The following CHRM2 variants were observed in gnomAD, a reference collection of about 807,000 sequenced individuals.
The protein encoded by CHRM2 is cholinergic receptor muscarinic 2, also known as muscarinic acetylcholine receptor M2.
A neutral mutation model predicts 25.0 loss-of-function variants in CHRM2; 8 were observed. The observed-to-expected ratio is 0.32, with a 90% CI of 0.19 to 0.58. The LOEUF is 0.58. CHRM2 is among the 20% of genes least tolerant of loss of function. CHRM2 has a pLI of 0.88. For synonymous variants in CHRM2, 202 were observed against 205.7 expected, an observed-to-expected ratio of 0.98 and a Z score of 0.15; for missense variants, 440 against 567.1, an observed-to-expected ratio of 0.78 and a Z score of 2.28.
intron 2 of CHRM2, among the ~76,000 whole-genome samples, chr7:136,970,554 T>G (rs1014475191): frequency 2.0e-5 from 3 of 152,200 alleles, no homozygotes; most frequent in African/African-American, 7.2e-5. Flanking sequence ...TTTCTGAATG[T>G]AGGGACCATG....
At chr7:136,978,223 A>T (rs1299924364) in intron 2 of CHRM2, among the ~76,000 whole-genome samples, 1 of 152,108 alleles carries the variant, frequency 6.6e-6, no homozygotes, top group Non-Finnish European at 1.5e-5. Context: ...CTAAAATCAA[A>T]CTTACAATTA....
chr7:136,878,880 A>T (rs1014006717), intron 2 of CHRM2, among the ~76,000 whole-genome samples: 1 of 151,844 alleles, frequency 6.6e-6, no homozygotes, highest in African/African-American at 2.4e-5. Flanking sequence ...CTTTCAGAGG[A>T]TGTCTCACTA....
chr7:136,904,681 ACTT>A (rs1396995724), intron 2 of CHRM2, among the ~76,000 whole-genome samples: 109 of 151,824 alleles, frequency 7.2e-4, no homozygotes, highest in African/African-American at 2.4e-3. Flanking sequence ...AAATTTTGAT[ACTT>A]CTTCTTTAAT....
intron 3 of CHRM2, among the ~76,000 whole-genome samples, chr7:137,000,591 G>GGAAGGAAGGAAGGAA (rs917139955): frequency 1.3e-5 from 2 of 148,966 alleles, no homozygotes; most frequent in Non-Finnish European, 3.0e-5. Context: ...AAGGAAGGAA[G>GGAAGGAAGGAAGGAA]GGAAAAAAAG....
chr7:136,883,032 T>G (rs549810927), intron 2 of CHRM2, among the ~76,000 whole-genome samples: 215 of 152,302 alleles, frequency 1.4e-3, no homozygotes, highest in Non-Finnish European at 2.6e-3. Flanking sequence ...CTGGATAATT[T>G]GCCATGCAAT....
chr7:136,897,712 G>A (rs947151556), intron 2 of CHRM2, among the ~76,000 whole-genome samples: 13 of 151,242 alleles, frequency 8.6e-5, no homozygotes, highest in African/African-American at 3.1e-4. Context: ...AAAAAAGACA[G>A]ACATGGATTT....
At chr7:136,961,263 T>G (rs539668476) in intron 2 of CHRM2, among the ~76,000 whole-genome samples, 1 of 152,268 alleles carries the variant, frequency 6.6e-6, no homozygotes, top group Non-Finnish European at 1.5e-5. Flanking sequence ...TATCAAATAT[T>G]TCTGTTTTAG....
intron 3 of CHRM2, among the ~76,000 whole-genome samples, chr7:137,002,789 C>T (rs926749034): frequency 1.6e-4 from 25 of 152,000 alleles, no homozygotes; most frequent in Admixed American, 5.2e-4. Context: ...AGAGTACATG[C>T]TTTGTTTCTG....
At chr7:136,884,299 G>A (rs1381229718) in intron 2 of CHRM2, among the ~76,000 whole-genome samples, 2 of 151,998 alleles carry the variant, frequency 1.3e-5, no homozygotes, top group Non-Finnish European at 2.9e-5. Context: ...TGCCAAATTT[G>A]CAAAAATTGT....
chr7:136,980,503 G>A (rs1316461225), intron 2 of CHRM2, among the ~76,000 whole-genome samples: 1 of 152,144 alleles, frequency 6.6e-6, no homozygotes, highest in African/African-American at 2.4e-5. Context: ...GGTGAGAGAG[G>A]GCATCCTTGT....
At chr7:137,012,187 C>A (rs1019082949) in intron 3 of CHRM2, among the ~76,000 whole-genome samples, 7 of 151,978 alleles carry the variant, frequency 4.6e-5, no homozygotes, top group Admixed American at 4.6e-4. Flanking sequence ...TAGCTCAACT[C>A]CAAACTGTCC....
chr7:136,906,316 C>T (rs980453615), intron 2 of CHRM2, among the ~76,000 whole-genome samples: 19 of 150,184 alleles, frequency 1.3e-4, no homozygotes, highest in Non-Finnish European at 2.4e-4. Context: ...TGTATGTGTG[C>T]GCACACATAT....
At chr7:136,881,199 A>G (rs1326348096) in intron 2 of CHRM2, among the ~76,000 whole-genome samples, 4 of 150,372 alleles carry the variant, frequency 2.7e-5, no homozygotes, top group Non-Finnish European at 5.9e-5. Flanking sequence ...GCCTTTACGG[A>G]CTGTCATGTA....
At chr7:136,871,740 A>G (rs1486985017) in intron 2 of CHRM2, 1 of 152,196 alleles carries the variant, frequency 6.6e-6, no homozygotes, top group Non-Finnish European at 1.5e-5. Flanking sequence ...TGACTTGGCC[A>G]AGAGACAATT....
chr7:136,955,506 G>A (rs566796268), intron 2 of CHRM2, among the ~76,000 whole-genome samples: 117 of 152,202 alleles, frequency 7.7e-4, no homozygotes, highest in African/African-American at 2.4e-3. Context: ...CCTATTATTC[G>A]TCAAATTCCA....
Position 136,979,193 on chromosome 7 carries a change from A to G in CHRM2, c.-124-12994A>G, listed in dbSNP as rs141543276. Reference sequence around the variant, plus strand: ...TTGTGGTTTTGATTTGCATTTCTCTAATGACATGTGATGATGAGCTGTTTT... The same window carrying G: ...TTGTGGTTTTGATTTGCATTTCTCTGATGACATGTGATGATGAGCTGTTTT... On this transcript the variant is annotated intron_variant, in intron 2 of 3. Coordinates refer to ENST00000680005, the MANE Select transcript of CHRM2 (RefSeq NM_001006630.2). Among the ~76,000 whole-genome samples the G allele has an allele frequency of 1.9e-3, 287 of 152,242 alleles. 1 individual carries two copies. The highest frequency in any genetic ancestry group is 6.8e-3 in the African/African-American group (281 of 41,558).
chr7:136,893,188 T>A (rs906650306), intron 2 of CHRM2, among the ~76,000 whole-genome samples: 19 of 152,268 alleles, frequency 1.2e-4, no homozygotes, highest in Non-Finnish European at 2.6e-4. Context: ...ACCCGCTTCC[T>A]GTCTTAGCTC....
At chr7:136,945,851 A>G (rs1800043431) in intron 2 of CHRM2, among the ~76,000 whole-genome samples, 2 of 152,168 alleles carry the variant, frequency 1.3e-5, no homozygotes, top group African/African-American at 2.4e-5. Context: ...TGTGCTGGAT[A>G]AACACTAAGC....
intron 2 of CHRM2, among the ~76,000 whole-genome samples, chr7:136,905,219 T>A (rs1797466663): frequency 6.6e-6 from 1 of 151,916 alleles, no homozygotes; most frequent in Admixed American, 6.6e-5. Context: ...ATTTTGGGAA[T>A]TTTCTAAGCT....
Sources: gnomAD v4.1 joint callset for allele counts (sites outside exome capture counted in the v4.1 genomes callset) on GRCh38, gnomAD v4.1.1 for gene constraint, MANE v1.5 for transcripts, NCBI Gene and HGNC (gene_info 2026-07-23, HGNC 2026-07-21) for gene names.